The following EPHB1 variants were observed in gnomAD, a reference collection of about 807,000 sequenced individuals.
EPHB1 encodes ephrin type-B receptor 1.
Under a neutral mutation model 94.4 loss-of-function variants are expected in EPHB1, and 30 were observed. That is an observed-to-expected ratio of 0.32 (90% CI 0.24 to 0.43). The LOEUF is 0.43. EPHB1 is among the 20% of genes least tolerant of loss of function. EPHB1 has a pLI of 1.00. For synonymous variants in EPHB1, 522 were observed against 489.1 expected (o/e 1.07, Z -0.89); for missense variants, 1,055 against 1,308.3 (o/e 0.81, Z 2.99).
chr3:135,035,233 G>A (rs1314499712), intron 3 of EPHB1, among the ~76,000 whole-genome samples: 8 of 152,154 alleles, frequency 5.3e-5, no homozygotes, highest in Admixed American at 3.9e-4. Context: ...TGCATCCATC[G>A]CTCCTTGGGG....
Position 135,079,682 on chromosome 3 carries a change from G to A in EPHB1, c.806-26766G>A, listed in dbSNP as rs543166536. Among the ~76,000 whole-genome samples the A allele has an allele frequency of 2.0e-4, 31 of 152,106 alleles. No homozygotes were observed. The South Asian group carries it at 5.2e-3, about 26-fold the overall frequency. On this transcript the variant is annotated intron_variant, in intron 3 of 15. Coordinates refer to ENST00000398015, the MANE Select transcript of EPHB1 (RefSeq NM_004441.5). ...GCTTGATTGTTATTCCAAAGGCCTC[G>A]TTATGGAAATTACAAAATAATGGTT...
At chr3:134,987,855 G>C (rs1934657143) in intron 3 of EPHB1, among the ~76,000 whole-genome samples, 1 of 152,120 alleles carries the variant, frequency 6.6e-6, no homozygotes, top group Admixed American at 6.6e-5. Flanking sequence ...GGCTTCACCA[G>C]AAAACAGCCC....
chr3:134,928,955 G>A (rs1044630801), intron 2 of EPHB1, among the ~76,000 whole-genome samples: 7 of 152,120 alleles, frequency 4.6e-5, no homozygotes, highest in African/African-American at 1.7e-4. Context: ...CATTTCCACT[G>A]GGTTTAGCTG....
intron 3 of EPHB1, among the ~76,000 whole-genome samples, chr3:135,031,270 C>T (rs1042618909): frequency 2.0e-5 from 3 of 152,018 alleles, no homozygotes; most frequent in South Asian, 4.1e-4. Context: ...CAAAGAATCC[C>T]TTCTCTCTTT....
intron 5 of EPHB1, among the ~76,000 whole-genome samples, chr3:135,138,078 A>C (rs1194878584): frequency 1.3e-5 from 2 of 152,188 alleles, no homozygotes; most frequent in African/African-American, 2.4e-5. Flanking sequence ...AAGAAGCAAC[A>C]ATTTTCCCCT....
At chr3:134,814,854 C>G (rs1367883297) in intron 1 of EPHB1, among the ~76,000 whole-genome samples, 3 of 152,186 alleles carry the variant, frequency 2.0e-5, no homozygotes, top group Non-Finnish European at 4.4e-5. Context: ...TCTTTGGTGT[C>G]ACCACTCGGT....
At chr3:135,154,454 G>A in intron 6 of EPHB1, 178 bp downstream of exon 6, 1 of 793,846 alleles carries the variant, frequency 1.3e-6, no homozygotes, top group Non-Finnish European at 1.9e-6. Flanking sequence ...CTTGTTCAAA[G>A]CCCAGGCACT....
At chr3:135,189,185 C>T (rs1356588647) in intron 10 of EPHB1, among the ~76,000 whole-genome samples, 2 of 152,186 alleles carry the variant, frequency 1.3e-5, no homozygotes, top group African/African-American at 4.8e-5. Flanking sequence ...TCTTTCTCTC[C>T]TCTCACATCT....
At chr3:135,075,697 G>T (rs1427460322) in intron 3 of EPHB1, among the ~76,000 whole-genome samples, 4 of 152,158 alleles carry the variant, frequency 2.6e-5, no homozygotes, top group Non-Finnish European at 1.5e-5. Flanking sequence ...GAAGCAGCTG[G>T]CAGGAGGCTA....
intron 1 of EPHB1, among the ~76,000 whole-genome samples, chr3:134,890,480 C>A (rs1311179962): frequency 6.6e-6 from 1 of 152,204 alleles, no homozygotes; most frequent in Non-Finnish European, 1.5e-5. Flanking sequence ...CACTAACACT[C>A]TTGCATGTAC....
chr3:134,987,481 C>T (rs1384558164), intron 3 of EPHB1, among the ~76,000 whole-genome samples: 1 of 152,148 alleles, frequency 6.6e-6, no homozygotes, highest in East Asian at 1.9e-4. Flanking sequence ...CATGTGAGGC[C>T]AGGCACAGTG....
chr3:135,050,290 C>T (rs771407889), intron 3 of EPHB1, among the ~76,000 whole-genome samples: 2 of 152,182 alleles, frequency 1.3e-5, no homozygotes, highest in Non-Finnish European at 2.9e-5. Flanking sequence ...ATGTAATGAC[C>T]ACCTACAGCC....
intron 12 of EPHB1, among the ~76,000 whole-genome samples, chr3:135,228,181 T>C: frequency 6.6e-6 from 1 of 152,240 alleles, no homozygotes; most frequent in East Asian, 1.9e-4. Flanking sequence ...CATTTAGTTA[T>C]CATGTTCATT....
At chr3:135,104,962 T>C (rs1250881649) in intron 3 of EPHB1, among the ~76,000 whole-genome samples, 1 of 152,234 alleles carries the variant, frequency 6.6e-6, no homozygotes, top group African/African-American at 2.4e-5. Flanking sequence ...TATGCGTACA[T>C]CATCACTATC....
chr3:135,243,018 TGA>T (rs1943824062), intron 13 of EPHB1, among the ~76,000 whole-genome samples: 1 of 141,858 alleles, frequency 7.0e-6, no homozygotes, highest in African/African-American at 2.7e-5. Context: ...GAGGTTGCAG[TGA>T]GCCAAGATCG....
chr3:134,953,591 G>C (rs879711213), intron 3 of EPHB1, among the ~76,000 whole-genome samples: 25 of 152,354 alleles, frequency 1.6e-4, no homozygotes, highest in Admixed American at 9.8e-4. Flanking sequence ...AGGCACAGGT[G>C]CAGCAGCTTC....
chr3:134,827,497 C>T (rs147390422), intron 1 of EPHB1, among the ~76,000 whole-genome samples: 2 of 152,334 alleles, frequency 1.3e-5, no homozygotes, highest in African/African-American at 4.8e-5. Context: ...TGTCTTCAGC[C>T]CCACTTCCTC....
intron 12 of EPHB1, among the ~76,000 whole-genome samples, chr3:135,231,385 G>A (rs1449811289): frequency 6.6e-6 from 1 of 152,118 alleles, no homozygotes; most frequent in East Asian, 1.9e-4. Context: ...TTCCAGTTGG[G>A]AAATGTCACC....
At chr3:135,200,747 T>G (rs1942729480) in intron 11 of EPHB1, among the ~76,000 whole-genome samples, 1 of 152,106 alleles carries the variant, frequency 6.6e-6, no homozygotes, top group African/African-American at 2.4e-5. Context: ...CTAAGAAGAC[T>G]AAGAGTATGC....
Sources: allele counts gnomAD v4.1 joint callset (sites outside exome capture counted in the v4.1 genomes callset), GRCh38; gene constraint gnomAD v4.1.1; transcripts MANE v1.5; gene names NCBI Gene and HGNC (gene_info 2026-07-23, HGNC 2026-07-21).